CNTNAP2: variants seen among roughly 807,000 people sequenced by gnomAD.
CNTNAP2 encodes contactin-associated protein-like 2.
Under a neutral mutation model 155.2 loss-of-function variants are expected in CNTNAP2, and 98 were observed. That is an observed-to-expected ratio of 0.63 (90% CI 0.54 to 0.75). The LOEUF (loss-of-function observed/expected upper bound fraction) is 0.75, where lower values mean the gene tolerates loss of function less well. Among genes scored for constraint, CNTNAP2 ranks in the 30% least tolerant of loss-of-function variants. The pLI, the probability that CNTNAP2 is intolerant of heterozygous loss-of-function variation, is 0.00. For synonymous variants in CNTNAP2, 651 were observed against 631.2 expected (o/e 1.03, Z -0.47); for missense variants, 1,727 against 1,688.1 (o/e 1.02, Z -0.40).
At position 148,167,462 on chromosome 7, in the gene CNTNAP2, A is replaced by C. The variant is rs1162281759; in HGVS notation, c.2774-4780A>C. On this transcript the variant is annotated intron_variant, in intron 17 of 23. Coordinates refer to ENST00000361727, the MANE Select transcript of CNTNAP2 (RefSeq NM_014141.6). ...AATGAACACAACAAATACAAACTAGACTACAGTCATATGTTACACCCAGTT... is the reference window on the plus strand; with the variant it reads ...AATGAACACAACAAATACAAACTAGCCTACAGTCATATGTTACACCCAGTT... Among the ~76,000 whole-genome samples, 8 of 152,228 alleles carry C rather than the reference A, an allele frequency of 5.3e-5. No homozygotes were observed. The East Asian group carries it at 1.5e-3, about 29-fold the overall frequency.
intron 21 of CNTNAP2, among the ~76,000 whole-genome samples, chr7:148,317,746 G>T (rs1199535191): frequency 2.0e-5 from 3 of 151,332 alleles, no homozygotes; most frequent in East Asian, 3.9e-4. Flanking sequence ...TTTCGCCCAG[G>T]CTGAAGTGCA....
chr7:146,365,161 A>G (rs969636322), intron 1 of CNTNAP2, among the ~76,000 whole-genome samples: 1 of 152,050 alleles, frequency 6.6e-6, no homozygotes, highest in Non-Finnish European at 1.5e-5. Context: ...GCACCACTTC[A>G]TATGCATGTC....
intron 1 of CNTNAP2, among the ~76,000 whole-genome samples, chr7:146,191,047 ATTC>A (rs1798695284): frequency 6.6e-6 from 1 of 152,186 alleles, no homozygotes; most frequent in Non-Finnish European, 1.5e-5. Context: ...TGTATGTAGT[ATTC>A]TTTCTGGTCA....
chr7:147,441,838 TCTCTCTCTCTCTCCCTCCCTCCCTCC>T (rs1387751454), intron 10 of CNTNAP2, among the ~76,000 whole-genome samples: 3 of 146,968 alleles, frequency 2.0e-5, no homozygotes, highest in Admixed American at 1.4e-4. Context: ...TCTCTCTCTC[TCTCTCTCTCTCTCCCTCCCTCCCTCC>T]CTCCCTCCCT....
chr7:146,541,489 A>T (rs376176167), intron 1 of CNTNAP2, among the ~76,000 whole-genome samples: 43 of 152,180 alleles, frequency 2.8e-4, no homozygotes, highest in African/African-American at 9.6e-4. Flanking sequence ...GATGAGTCAT[A>T]TGACAGTAGG....
chr7:146,345,765 A>G (rs10277586), intron 1 of CNTNAP2, among the ~76,000 whole-genome samples: 24,502 of 152,212 alleles, frequency 0.16, 2,084 homozygotes, highest in South Asian at 0.19. Flanking sequence ...AGAAAATGGT[A>G]TTTTGCTTTA....
intron 1 of CNTNAP2, among the ~76,000 whole-genome samples, chr7:146,745,499 C>A (rs949221577): frequency 6.6e-5 from 10 of 151,856 alleles, no homozygotes; most frequent in Admixed American, 2.6e-4. Context: ...TCTGTTAAGG[C>A]GGCTGGGCGC....
At chr7:147,394,944 G>C (rs1304559200) in intron 9 of CNTNAP2, among the ~76,000 whole-genome samples, 5 of 149,480 alleles carry the variant, frequency 3.3e-5, no homozygotes, top group Middle Eastern at 3.5e-3. Flanking sequence ...ACCATATTAT[G>C]GTATTTTATT....
intron 15 of CNTNAP2, 39 bp downstream of exon 15, chr7:147,978,028 C>A: frequency 6.2e-7 from 1 of 1,612,622 alleles, no homozygotes; most frequent in Non-Finnish European, 8.5e-7. Flanking sequence ...ACTTTCTTAT[C>A]CCATTTAAAT....
At chr7:147,967,981 A>C (rs780371372) in intron 14 of CNTNAP2, among the ~76,000 whole-genome samples, 1 of 152,184 alleles carries the variant, frequency 6.6e-6, no homozygotes, top group Non-Finnish European at 1.5e-5. Flanking sequence ...GGTTTTTTTC[A>C]TCTCTCTCCA....
At chr7:147,046,957 G>T (rs574911888) in intron 4 of CNTNAP2, among the ~76,000 whole-genome samples, 1 of 148,362 alleles carries the variant, frequency 6.7e-6, no homozygotes, top group Non-Finnish European at 1.5e-5. Context: ...GCGTGAACCC[G>T]GGAGGTGGAG....
rs557646833 is a variant in CNTNAP2 at position 147,918,878 on chromosome 7, C to T, written c.2255+15157C>T. ...CCCCCAAGATGTTCACATTCTAATT[C>T]CCAGAACCTGTGAAGGTCCTACTTC... On this transcript the variant is annotated intron_variant, in intron 14 of 23. Transcript: ENST00000361727. Among the ~76,000 whole-genome samples the T allele has an allele frequency of 3.3e-5, 5 of 152,132 alleles. No individual in the cohort carries two copies. The South Asian group carries it at 6.2e-4, about 19-fold the overall frequency.
rs572422288 is a variant in CNTNAP2 at position 146,927,893 on chromosome 7, A to AGT, written c.402+87998_402+87999dup. ...TCTCTTTATATATTTCTATAGAGAG[A>AGT]GTGTGTGTGTATACATATGTATATA... On this transcript the variant is annotated intron_variant, in intron 3 of 23. Coordinates refer to ENST00000361727, the MANE Select transcript of CNTNAP2 (RefSeq NM_014141.6). Among the ~76,000 whole-genome samples, 1,161 of 151,254 alleles carry AGT rather than the reference A, an allele frequency of 7.7e-3. 8 individuals are homozygous for AGT. The highest frequency in any genetic ancestry group is 0.012 in the Non-Finnish European group (809 of 67,816).
intron 11 of CNTNAP2, among the ~76,000 whole-genome samples, chr7:147,550,066 G>C (rs1799821816): frequency 6.6e-6 from 1 of 152,124 alleles, no homozygotes; most frequent in South Asian, 2.1e-4. Flanking sequence ...GAGTACTGCA[G>C]ATCCTTAGCA....
intron 2 of CNTNAP2, among the ~76,000 whole-genome samples, chr7:146,835,323 T>G (rs950064810): frequency 1.3e-5 from 2 of 152,166 alleles, no homozygotes; most frequent in Non-Finnish European, 2.9e-5. Context: ...GTTACCTCAT[T>G]GTATTAATTG....
At chr7:148,118,313 C>A (rs371904472) in intron 16 of CNTNAP2, 25 bp downstream of exon 16, 1 of 1,613,384 alleles carries the variant, frequency 6.2e-7, no homozygotes, top group South Asian at 1.1e-5. Context: ...CTTGTCAACT[C>A]ATGGGGAGCC....
chr7:147,614,007 C>T (rs988040), intron 12 of CNTNAP2, among the ~76,000 whole-genome samples: 25,592 of 152,146 alleles, frequency 0.17, 2,503 homozygotes, highest in East Asian at 0.34. Context: ...TTTTAAATTT[C>T]TCATAAATAT....
intron 13 of CNTNAP2, among the ~76,000 whole-genome samples, chr7:147,879,174 A>G (rs1799476296): frequency 6.6e-6 from 1 of 152,194 alleles, no homozygotes; most frequent in South Asian, 2.1e-4. Context: ...ATTGATACAC[A>G]GGGGATTTCC....
intron 8 of CNTNAP2, among the ~76,000 whole-genome samples, chr7:147,278,558 C>A (rs1390184738): frequency 6.6e-6 from 1 of 151,660 alleles, no homozygotes; most frequent in Non-Finnish European, 1.5e-5. Flanking sequence ...TTTCTCTCAT[C>A]TATGACTGCA....
Sources: allele counts gnomAD v4.1 joint callset (sites outside exome capture counted in the v4.1 genomes callset), GRCh38; gene constraint gnomAD v4.1.1; transcripts MANE v1.5; gene names NCBI Gene and HGNC (gene_info 2026-07-23, HGNC 2026-07-21).